Variants in PTPRQ observed in about 807,000 individuals in gnomAD.
PTPRQ encodes the protein protein tyrosine phosphatase receptor type Q, also known as phosphatidylinositol phosphatase PTPRQ.
Under a neutral mutation model 246.0 loss-of-function variants are expected in PTPRQ, and 199 were observed. That is an observed-to-expected ratio of 0.81 (90% CI 0.72 to 0.91). The LOEUF (loss-of-function observed/expected upper bound fraction) is 0.91, where lower values mean the gene tolerates loss of function less well. Ranked by LOEUF, PTPRQ falls within the 40% of genes least tolerant of loss-of-function variation. PTPRQ has a pLI of 0.00. For synonymous variants in PTPRQ, 869 were observed against 853.2 expected, an observed-to-expected ratio of 1.02 and a Z score of -0.32; for missense variants, 2,624 against 2,528.4, an observed-to-expected ratio of 1.04 and a Z score of -0.81.
intron 10 of PTPRQ, 59 bp from the exon 11 acceptor site, chr12:80,494,874 A>G: frequency 6.8e-7 from 1 of 1,474,724 alleles, no homozygotes; most frequent in South Asian, 1.4e-5. Context: ...AGAAAAAAAT[A>G]ATTTTGATTG....
chr12:80,674,884 T>G (rs1366552867), intron 43 of PTPRQ, among the ~76,000 whole-genome samples: 1 of 152,180 alleles, frequency 6.6e-6, no homozygotes, highest in East Asian at 1.9e-4. Context: ...TACCTCATAG[T>G]ATGGCTACAA....
chr12:80,517,806 G>A (rs1016424553), intron 17 of PTPRQ, among the ~76,000 whole-genome samples: 3 of 151,922 alleles, frequency 2.0e-5, no homozygotes, highest in South Asian at 4.2e-4. Context: ...GACCATGATG[G>A]CATCTCATTC....
rs528766542 is a variant in PTPRQ, at chr12:80,604,894, G to C, written c.4610-165G>C. On this transcript the variant is annotated intron_variant, in intron 26 of 44. Transcript: ENST00000644991. ...TAGAGTAACTAATTTTAAAGAATTG[G>C]ATCTTTTTATTTGGTAATGCCTTTA... is the stretch of plus-strand genomic sequence containing the variant. Among the ~76,000 whole-genome samples, 123 of 151,402 alleles carry C rather than the reference G, an allele frequency of 8.1e-4. No homozygotes were observed. The Middle Eastern group carries it at 0.014, about 17-fold the overall frequency.
intron 25 of PTPRQ, among the ~76,000 whole-genome samples, chr12:80,563,380 G>T (rs1459237402): frequency 6.6e-6 from 1 of 151,644 alleles, no homozygotes. Flanking sequence ...TGAGGGCAGA[G>T]CCCTCATGAG....
chr12:80,565,461 A>G (rs1223135895), intron 25 of PTPRQ, among the ~76,000 whole-genome samples: 1 of 152,134 alleles, frequency 6.6e-6, no homozygotes, highest in Non-Finnish European at 1.5e-5. Flanking sequence ...GATACTTTTC[A>G]TAACAGCCTT....
chr12:80,555,063 C>T (rs553377765), intron 25 of PTPRQ, among the ~76,000 whole-genome samples: 13 of 152,158 alleles, frequency 8.5e-5, no homozygotes, highest in Non-Finnish European at 1.8e-4. Context: ...CATAGGTGTG[C>T]ACCACCACAC....
At chr12:80,658,136 T>A in intron 39 of PTPRQ, 75 bp downstream of exon 39, 1 of 957,720 alleles carries the variant, frequency 1.0e-6, no homozygotes. Flanking sequence ...TCCAATTACT[T>A]AAAACAACAA....
At chr12:80,465,833 T>C (rs1458298609) in intron 6 of PTPRQ, among the ~76,000 whole-genome samples, 1 of 152,096 alleles carries the variant, frequency 6.6e-6, no homozygotes, top group Non-Finnish European at 1.5e-5. Context: ...CCTCAATAAA[T>C]TAGGAATTGG....
At chr12:80,574,634 A>G (rs1191677501) in intron 25 of PTPRQ, among the ~76,000 whole-genome samples, 1 of 152,148 alleles carries the variant, frequency 6.6e-6, no homozygotes, top group Non-Finnish European at 1.5e-5. Flanking sequence ...CTTGACTTAT[A>G]TCTACTTAAT....
At position 80,584,266 on chromosome 12, in the gene PTPRQ, AAG is replaced by A. The variant is rs1003927002; in HGVS notation, c.4286-3859_4286-3858del. The stretch of plus-strand genomic sequence containing the variant: ...TATCTGCAGACACAAAGGTCAGACA[AAG>A]AGACAAGATGACCAAGATGATCTCT... On this transcript the variant is annotated intron_variant, in intron 25 of 44. Coordinates refer to ENST00000644991, the MANE Select transcript of PTPRQ (RefSeq NM_001145026.2). 3.2e-4 allele frequency: 48 copies of A among 152,160 alleles called. 1 individual carries two copies. Among genetic ancestry groups the A allele is most frequent in the African/African-American group, 1.1e-3 (45 of 41,408 alleles). 9.4% of individuals were successfully genotyped at this position (152,160 alleles called of 1,614,324 possible).
At position 80,573,103 on chromosome 12, in the gene PTPRQ, C is replaced by A. The variant is rs144004947; in HGVS notation, c.4286-15026C>A. 1.5e-3 allele frequency among the ~76,000 whole-genome samples: 229 copies of A among 152,268 alleles called. 5 individuals are homozygous for A. The highest frequency in any genetic ancestry group is 5.9e-4 in the Non-Finnish European group (40 of 68,028). On this transcript the variant is annotated intron_variant, in intron 25 of 44. Transcript: ENST00000644991. ...TATTTGATAGAATTCACTAGTGAAA[C>A]CATCTGAACCTGGAGTTTTCTATTG...
At position 80,530,931 on chromosome 12, in the gene PTPRQ, A is replaced by G. The variant is rs113199815; in HGVS notation, c.2679-3084A>G. ...TCCTGGTGTAGGGTTGCATGCCTGTAGTACCAGCTACTCTGAAGGAAGGCT... is the reference window on the plus strand; with the variant it reads ...TCCTGGTGTAGGGTTGCATGCCTGTGGTACCAGCTACTCTGAAGGAAGGCT... On this transcript the variant is annotated intron_variant, in intron 17 of 44. Transcript: ENST00000644991. 3.2e-4 allele frequency among the ~76,000 whole-genome samples: 48 copies of G among 152,204 alleles called. 1 individual carries two copies. Among genetic ancestry groups the G allele is most frequent in the African/African-American group, 1.1e-3 (47 of 41,534 alleles).
intron 2 of PTPRQ, 102 bp downstream of exon 2, chr12:80,444,951 T>C (rs1892508628): frequency 3.8e-6 from 5 of 1,319,036 alleles, no homozygotes; most frequent in Non-Finnish European, 5.0e-6. Context: ...ATTAAATTCA[T>C]GAAAACAGTG....
At chr12:80,520,742 T>G (rs1895454564) in intron 17 of PTPRQ, among the ~76,000 whole-genome samples, 1 of 152,138 alleles carries the variant, frequency 6.6e-6, no homozygotes, top group African/African-American at 2.4e-5. Context: ...TGCCACATTT[T>G]CTTAATCCAG....
At chr12:80,477,089 A>G (rs1342445043) in intron 8 of PTPRQ, among the ~76,000 whole-genome samples, 1 of 152,196 alleles carries the variant, frequency 6.6e-6, no homozygotes, top group Non-Finnish European at 1.5e-5. Flanking sequence ...GTGACTTTAC[A>G]ACTAGAACTT....
chr12:80,661,279 TTATATTTTATATGTC>T (rs1025498244), intron 39 of PTPRQ, among the ~76,000 whole-genome samples: 7 of 148,720 alleles, frequency 4.7e-5, no homozygotes, highest in Admixed American at 2.0e-4. Flanking sequence ...GTATATACAG[TTATATTTTATATGTC>T]TATATTTTAT....
At chr12:80,636,244 G>A (rs1280053030) in intron 35 of PTPRQ, among the ~76,000 whole-genome samples, 1 of 152,152 alleles carries the variant, frequency 6.6e-6, no homozygotes, top group East Asian at 1.9e-4. Flanking sequence ...AAAGATTTAA[G>A]TGTCAGATGA....
chr12:80,642,919 T>TAAAA (rs902888826), intron 35 of PTPRQ, among the ~76,000 whole-genome samples: 5 of 77,238 alleles, frequency 6.5e-5, no homozygotes, highest in East Asian at 4.2e-4. Flanking sequence ...GACTCCGTCT[T>TAAAA]AAAAAAAAAA....
intron 43 of PTPRQ, among the ~76,000 whole-genome samples, chr12:80,678,126 A>G (rs1181579252): frequency 6.6e-6 from 1 of 152,158 alleles, no homozygotes; most frequent in Non-Finnish European, 1.5e-5. Context: ...CAGGCCACAT[A>G]TCCAGGTGAC....
Sources: gnomAD v4.1 joint callset for allele counts (sites outside exome capture counted in the v4.1 genomes callset) on GRCh38, gnomAD v4.1.1 for gene constraint, MANE v1.5 for transcripts, NCBI Gene and HGNC (gene_info 2026-07-23, HGNC 2026-07-21) for gene names.